PLEKHH2: variants seen among roughly 807,000 people sequenced by gnomAD.
PLEKHH2 encodes pleckstrin homology domain-containing family H member 2.
Under a neutral mutation model 187.9 loss-of-function variants are expected in PLEKHH2, and 129 were observed. The observed-to-expected ratio is 0.69, with a 90% CI of 0.59 to 0.79. The LOEUF (loss-of-function observed/expected upper bound fraction) is 0.79. PLEKHH2 is among the 30% of genes least tolerant of loss of function. The pLI, the probability that PLEKHH2 is intolerant of heterozygous loss-of-function variation, is 0.00. For missense variants in PLEKHH2, 2,076 were observed against 1,751.2 expected, an observed-to-expected ratio of 1.19 and a Z score of -3.31; for synonymous variants, 686 against 605.6, an observed-to-expected ratio of 1.13 and a Z score of -1.95.
intron 26 of PLEKHH2, 70 bp from the exon 27 acceptor site, chr2:43,758,830 T>C (rs1046743754): frequency 1.5e-6 from 2 of 1,354,250 alleles, no homozygotes; most frequent in Admixed American, 2.6e-5. Context: ...GAGTTTTATC[T>C]TAAGACTATG....
At position 43,700,368 on chromosome 2, in the gene PLEKHH2, T is replaced by C. The variant is rs1669299075; in HGVS notation, c.1410T>C (p.Gly470=). 6.2e-7 allele frequency: 1 copy of C among 1,614,052 alleles called. No homozygotes were observed. Among genetic ancestry groups the C allele is most frequent in the Non-Finnish European group, 8.5e-7 (1 of 1,180,026 alleles). ...AGTTAAGCTCTGACAGGATGTTTGG[T>C]ACAAATAGAAACGCTATAAGCATGA... ...QPQLSSDRMF[G]TNRNAISMIR... The change falls in exon 8 of 30, where the codon GGT becomes GGC. Residue 470 remains glycine, a synonymous_variant. Coordinates refer to ENST00000282406, the MANE Select transcript of PLEKHH2 (RefSeq NM_172069.4).
chr2:43,718,682 C>A (rs1317397801), intron 15 of PLEKHH2, among the ~76,000 whole-genome samples: 1 of 152,092 alleles, frequency 6.6e-6, no homozygotes, highest in Non-Finnish European at 1.5e-5. Flanking sequence ...TAAATCATTT[C>A]AGAAGTACAC....
chr2:43,704,105 G>A, intron 9 of PLEKHH2, 49 bp downstream of exon 9: 2 of 1,283,256 alleles, frequency 1.6e-6, no homozygotes, highest in Middle Eastern at 1.8e-4. Flanking sequence ...AGGACTTTGT[G>A]CTAAGGGATA....
intron 24 of PLEKHH2, among the ~76,000 whole-genome samples, chr2:43,748,489 A>C (rs915083406): frequency 3.9e-5 from 6 of 152,212 alleles, no homozygotes; most frequent in Non-Finnish European, 7.3e-5. Flanking sequence ...TGGGCCCAAC[A>C]CTAGCAGCCT....
In PLEKHH2 at chr2:43,726,341, G is replaced by A; in HGVS notation, c.2611G>A (p.Glu871Lys). Residue 871 changes from glutamate (E) to lysine (K), a missense_variant, in exon 17 of 30, where the codon GAA becomes AAA. By Grantham distance (56) the Glu-to-Lys change is moderately conservative. Transcript: ENST00000282406. ...EEVDRSCDSD[E>K]DYEASGRSLL... The stretch of plus-strand genomic sequence containing the variant: ...GGTTGACAGATCTTGTGATTCAGAT[G>A]AAGATTATGAAGCCAGTGGACGAAG... The A allele has an allele frequency of 6.2e-7, 1 of 1,611,450 alleles. No homozygotes were observed. The highest frequency in any genetic ancestry group is 1.7e-5 in the Admixed American group (1 of 60,008).
At chr2:43,693,373 G>A (rs973262655) in intron 4 of PLEKHH2, among the ~76,000 whole-genome samples, 19 of 152,150 alleles carry the variant, frequency 1.2e-4, no homozygotes, top group Non-Finnish European at 2.4e-4. Flanking sequence ...ATTTATATTT[G>A]ATGCCAATCC....
At chr2:43,648,068 A>C (rs1250303282) in intron 2 of PLEKHH2, among the ~76,000 whole-genome samples, 1 of 152,170 alleles carries the variant, frequency 6.6e-6, no homozygotes, top group South Asian at 2.1e-4. Context: ...CACAGCTAAC[A>C]AAAAGCAGAG....
At chr2:43,671,015 G>A (rs778691085) in intron 2 of PLEKHH2, among the ~76,000 whole-genome samples, 7 of 147,618 alleles carry the variant, frequency 4.7e-5, no homozygotes, top group East Asian at 2.0e-4. Context: ...ATGAAGTGTC[G>A]CCCTTGTCCC....
In PLEKHH2 at chr2:43,762,386, C is replaced by T; in HGVS notation, c.4154C>T (p.Ser1385Phe). The change falls in exon 28 of 30, where the codon TCC becomes TTC. Residue 1385 changes from serine to phenylalanine, a missense_variant. Ser to Phe is a radical substitution (Grantham distance 155, BLOSUM62 -2). Coordinates refer to ENST00000282406, the MANE Select transcript of PLEKHH2 (RefSeq NM_172069.4). ...GGTTTAAGCCTCTTAGAATACAACT[C>T]CATGGTAAGTTTAAACGCTCAAGTT... ...EDGLSLLEYN[S>F]MRLIVSYVYK... is the part of the protein sequence containing the mutation. 1 of 1,604,196 alleles carries T rather than the reference C, an allele frequency of 6.2e-7. No individual in the cohort carries two copies. Among genetic ancestry groups the T allele is most frequent in the African/African-American group, 1.3e-5 (1 of 74,806 alleles).
Position 43,695,490 on chromosome 2 carries a change from G to T in PLEKHH2, c.502+266G>T, listed in dbSNP as rs146396771. On this transcript the variant is annotated intron_variant, in intron 6 of 29. Coordinates refer to ENST00000282406, the MANE Select transcript of PLEKHH2 (RefSeq NM_172069.4). ...AAAAACATGACCAAATACTAATTTT[G>T]CCTCTCTCTATTCTAAAAGACCTTC... Among the ~76,000 whole-genome samples, 204 of 152,288 alleles carry T rather than the reference G, an allele frequency of 1.3e-3. No homozygotes were observed. In the South Asian group the frequency reaches 0.014, roughly 10 times the overall value.
chr2:43,735,252 C>T (rs1671233642), intron 19 of PLEKHH2, among the ~76,000 whole-genome samples: 1 of 152,028 alleles, frequency 6.6e-6, no homozygotes, highest in African/African-American at 2.4e-5. Flanking sequence ...TTACGAAAAA[C>T]AAAGCCCTGT....
chr2:43,637,574 A>G (rs1344885169), intron 1 of PLEKHH2, among the ~76,000 whole-genome samples, 195 bp downstream of exon 1: 1 of 152,224 alleles, frequency 6.6e-6, no homozygotes, highest in Non-Finnish European at 1.5e-5. Flanking sequence ...CACAGCCCAG[A>G]GTCGGCCCCC....
intron 15 of PLEKHH2, among the ~76,000 whole-genome samples, chr2:43,720,357 G>A (rs919731016): frequency 1.3e-5 from 2 of 151,518 alleles, no homozygotes; most frequent in African/African-American, 4.9e-5. Flanking sequence ...AATATTGCAT[G>A]ATGCTGAGGT....
At chr2:43,765,072 A>G (rs1672570658) in intron 29 of PLEKHH2, among the ~76,000 whole-genome samples, 1 of 152,264 alleles carries the variant, frequency 6.6e-6, no homozygotes, top group African/African-American at 2.4e-5. Flanking sequence ...GTGAAAATAG[A>G]GAGTTCTTAT....
chr2:43,685,581 C>T (rs1668463418), intron 3 of PLEKHH2, among the ~76,000 whole-genome samples: 3 of 151,720 alleles, frequency 2.0e-5, no homozygotes, highest in South Asian at 4.2e-4. Context: ...GCATGTGCCA[C>T]CACACCCAGT....
At chr2:43,652,462 A>G (rs1574479291) in intron 2 of PLEKHH2, among the ~76,000 whole-genome samples, 1 of 152,218 alleles carries the variant, frequency 6.6e-6, no homozygotes, top group Non-Finnish European at 1.5e-5. Context: ...TGCATATTTA[A>G]TGGTAAGCTG....
intron 2 of PLEKHH2, among the ~76,000 whole-genome samples, chr2:43,678,034 G>GAT (rs1667944459): frequency 6.6e-6 from 1 of 151,148 alleles, no homozygotes; most frequent in African/African-American, 2.4e-5. Context: ...CTTCTCAGAC[G>GAT]AGGCGGCCTG....
chr2:43,651,366 C>A (rs1248736766), intron 2 of PLEKHH2, among the ~76,000 whole-genome samples: 1 of 152,150 alleles, frequency 6.6e-6, no homozygotes, highest in Non-Finnish European at 1.5e-5. Flanking sequence ...CGCGCCCGGC[C>A]CTCAAATTTC....
At chr2:43,718,072 T>C (rs945584838) in intron 15 of PLEKHH2, among the ~76,000 whole-genome samples, 1 of 152,166 alleles carries the variant, frequency 6.6e-6, no homozygotes, top group South Asian at 2.1e-4. Context: ...TGATATACTG[T>C]TTGTCTTCAA....
Sources: gnomAD v4.1 joint callset for allele counts (sites outside exome capture counted in the v4.1 genomes callset) on GRCh38, gnomAD v4.1.1 for gene constraint, MANE v1.5 for transcripts, NCBI Gene and HGNC (gene_info 2026-07-23, HGNC 2026-07-21) for gene names.